The following HHIP variants were observed in gnomAD, a reference collection of about 807,000 sequenced individuals.
HHIP encodes the protein hedgehog interacting protein.
Under a neutral mutation model 74.0 loss-of-function variants are expected in HHIP, and 12 were observed. The ratio of observed to expected loss-of-function variants is 0.16; its 90% CI spans 0.10 to 0.26. The LOEUF is 0.26. Among genes scored for constraint, HHIP ranks in the 10% least tolerant of loss-of-function variants. HHIP has a pLI of 1.00. For missense variants in HHIP, 788 were observed against 845.0 expected, an observed-to-expected ratio of 0.93 and a Z score of 0.84; for synonymous variants, 309 against 311.6, an observed-to-expected ratio of 0.99 and a Z score of 0.09.
At position 144,646,883 on chromosome 4, in the gene HHIP, G is replaced by C; in HGVS notation, c.208G>C (p.Gly70Arg). Reference sequence around the variant, plus strand: ...GCTGAGTGGGGGAGAGATGCTGTGCGGTGGCTTCTACCCTCGGCTGTCCTG... The same window carrying C: ...GCTGAGTGGGGGAGAGATGCTGTGCCGTGGCTTCTACCCTCGGCTGTCCTG... ...ELLSGGEMLCGGFYPRLSCCL... is the reference protein window; with the variant it reads ...ELLSGGEMLCRGFYPRLSCCL... The change falls in exon 1 of 13, where the codon GGT becomes CGT. Residue 70 changes from glycine to arginine, a missense_variant. By Grantham distance (125) the Gly-to-Arg change is moderately radical. Coordinates refer to ENST00000296575, the MANE Select transcript of HHIP (RefSeq NM_022475.3). 1 of 1,614,158 alleles carries C rather than the reference G, an allele frequency of 6.2e-7. No homozygotes were observed. Among genetic ancestry groups the C allele is most frequent in the Non-Finnish European group, 8.5e-7 (1 of 1,180,022 alleles).
At chr4:144,647,498 C>A (rs1251887803) in intron 1 of HHIP, among the ~76,000 whole-genome samples, 2 of 152,150 alleles carry the variant, frequency 1.3e-5, no homozygotes, top group East Asian at 3.8e-4. Flanking sequence ...TCCTGGTCCT[C>A]CGGTTAGGGA....
chr4:144,733,297 A>C (rs150141747), intron 11 of HHIP, among the ~76,000 whole-genome samples: 156 of 152,332 alleles, frequency 1.0e-3, no homozygotes, highest in Non-Finnish European at 1.8e-3. Flanking sequence ...GAATAGATTT[A>C]AGGGAGTTTT....
Position 144,652,730 on chromosome 4 carries a change from A to G in HHIP, c.405A>G (p.Leu135=). ...AGAGAGAAGTCTTGGAAAGAGACCTAGTACTTCCTCTGCTCTGCAAAGACT... is the reference window on the plus strand; with the variant it reads ...AGAGAGAAGTCTTGGAAAGAGACCTGGTACTTCCTCTGCTCTGCAAAGACT... The part of the protein sequence containing the change: ...SPEREVLERD[L]VLPLLCKDYC... Residue 135 remains leucine (L), a synonymous_variant, in exon 2 of 13, where the codon CTA becomes CTG. Transcript: ENST00000296575. 1 of 1,613,002 alleles carries G rather than the reference A, an allele frequency of 6.2e-7. No homozygotes were observed. Among genetic ancestry groups the G allele is most frequent in the Non-Finnish European group, 8.5e-7 (1 of 1,179,188 alleles).
At chr4:144,718,715 C>A (rs2126670406) in intron 10 of HHIP, among the ~76,000 whole-genome samples, 160 bp from the exon 11 acceptor site, 1 of 152,218 alleles carries the variant, frequency 6.6e-6, no homozygotes, top group South Asian at 2.1e-4. Flanking sequence ...TCTGGATGCA[C>A]TGTAAAGGCA....
chr4:144,708,448 C>T (rs1049389282), intron 7 of HHIP, 137 bp downstream of exon 7: 1 of 732,332 alleles, frequency 1.4e-6, no homozygotes. Flanking sequence ...AAAGTCACAA[C>T]AGGTCATTAC....
At chr4:144,679,321 G>A (rs1729269271) in intron 4 of HHIP, among the ~76,000 whole-genome samples, 1 of 152,130 alleles carries the variant, frequency 6.6e-6, no homozygotes, top group Non-Finnish European at 1.5e-5. Flanking sequence ...CTCCCGTTCT[G>A]TAGGTTGCCT....
rs116732981 is a variant in HHIP, at chr4:144,712,348, T to C, written c.1423+277T>C. Among the ~76,000 whole-genome samples, 897 of 152,288 alleles carry C rather than the reference T, an allele frequency of 5.9e-3. 9 individuals are homozygous for C. The highest frequency in any genetic ancestry group is 0.021 in the African/African-American group (873 of 41,562). ...TCAAAAGTTAGCAGCTTATATTTTGTTCATCAGAGAATCAAGATGAATAAG... is the reference window on the plus strand; with the variant it reads ...TCAAAAGTTAGCAGCTTATATTTTGCTCATCAGAGAATCAAGATGAATAAG... On this transcript the variant is annotated intron_variant, in intron 8 of 12. Coordinates refer to ENST00000296575, the MANE Select transcript of HHIP (RefSeq NM_022475.3).
chr4:144,710,330 G>C (rs951252337), intron 7 of HHIP, among the ~76,000 whole-genome samples: 1 of 152,132 alleles, frequency 6.6e-6, no homozygotes, highest in African/African-American at 2.4e-5. Context: ...TCCCTGCCAG[G>C]CATTGTCTTC....
intron 1 of HHIP, among the ~76,000 whole-genome samples, chr4:144,647,909 C>T (rs942329733): frequency 5.3e-5 from 8 of 151,984 alleles, no homozygotes; most frequent in Non-Finnish European, 1.2e-4. Flanking sequence ...AAGAATTCCT[C>T]TGTTAGAACA....
intron 4 of HHIP, among the ~76,000 whole-genome samples, chr4:144,689,220 A>T (rs1729577993): frequency 6.6e-6 from 1 of 152,198 alleles, no homozygotes; most frequent in Admixed American, 6.5e-5. Context: ...AATCTCACTA[A>T]CTCTAATCCA....
chr4:144,735,290 G>C (rs1731083413), intron 12 of HHIP, among the ~76,000 whole-genome samples: 1 of 152,102 alleles, frequency 6.6e-6, no homozygotes, highest in Non-Finnish European at 1.5e-5. Context: ...TGCCCTCCCT[G>C]GCTTTACTGC....
At chr4:144,688,890 G>T (rs951506616) in intron 4 of HHIP, among the ~76,000 whole-genome samples, 6 of 152,132 alleles carry the variant, frequency 3.9e-5, no homozygotes, top group Non-Finnish European at 2.9e-5. Context: ...AAATGTCATT[G>T]GAGTGCTTAT....
intron 1 of HHIP, among the ~76,000 whole-genome samples, chr4:144,652,244 G>T (rs1314854587): frequency 6.6e-6 from 1 of 151,986 alleles, no homozygotes; most frequent in Non-Finnish European, 1.5e-5. Context: ...GACAAAGGTT[G>T]GAATTTTAAA....
At chr4:144,707,306 T>G in intron 6 of HHIP, 46 bp downstream of exon 6, 1 of 1,475,330 alleles carries the variant, frequency 6.8e-7, no homozygotes. Context: ...TTAAAATAGT[T>G]TAAGTGCCAG....
At chr4:144,712,661 TAATA>T (rs1310199923) in intron 8 of HHIP, among the ~76,000 whole-genome samples, 2 of 152,162 alleles carry the variant, frequency 1.3e-5, no homozygotes, top group Non-Finnish European at 2.9e-5. Flanking sequence ...AGTTGGATAA[TAATA>T]AAGTTCAAAA....
At chr4:144,706,992 G>T in intron 5 of HHIP, 95 bp from the exon 6 acceptor site, 1 of 976,064 alleles carries the variant, frequency 1.0e-6, no homozygotes, top group East Asian at 2.5e-5. Flanking sequence ...CTATGTGCCA[G>T]GAGTTTGTTT....
At position 144,734,893 on chromosome 4, in the gene HHIP, A is replaced by G; in HGVS notation, c.1909+4A>G. On this transcript the variant is annotated splice_donor_region_variant and intron_variant, in intron 12 of 12. Coordinates refer to ENST00000296575, the MANE Select transcript of HHIP (RefSeq NM_022475.3). ...GAGGGGGACTTCTGCAGAACTGGTT[A>G]GTATTTCTGTTTTCACCTGAAAAGG... 1 of 1,600,270 alleles carries G rather than the reference A, an allele frequency of 6.2e-7. No individual in the cohort carries two copies. Among genetic ancestry groups the G allele is most frequent in the Non-Finnish European group, 8.6e-7 (1 of 1,168,772 alleles).
chr4:144,702,767 T>C (rs1245007020), intron 4 of HHIP, among the ~76,000 whole-genome samples: 1 of 152,156 alleles, frequency 6.6e-6, no homozygotes, highest in African/African-American at 2.4e-5. Context: ...TTCAGTTTGG[T>C]TCTAGCAATG....
rs1164031170 is a variant in HHIP at position 144,742,847 on chromosome 4, TTA to T, written c.*4900_*4901del. 2.1e-5 allele frequency: 3 copies of T among 140,992 alleles called. No individual in the cohort carries two copies. Among genetic ancestry groups the T allele is most frequent in the Non-Finnish European group, 3.0e-5 (2 of 66,148 alleles). The allele number at this position is 140,992 out of a possible 1,614,324, so 8.7% of individuals were successfully genotyped here. A position where few individuals can be genotyped will look rare whatever the true frequency, so the allele number is the denominator to read the frequency against. On this transcript the variant is annotated 3_prime_UTR_variant, in exon 13 of 13. Transcript: ENST00000296575. ...TATATATTTGGTTATATATATATCT[TTA>T]TATATATATCTTATATATATATCTT...
Sources: allele counts gnomAD v4.1 joint callset (sites outside exome capture counted in the v4.1 genomes callset), GRCh38; gene constraint gnomAD v4.1.1; transcripts MANE v1.5; gene names NCBI Gene and HGNC (gene_info 2026-07-23, HGNC 2026-07-21).